The following RTN2 variants were observed in gnomAD, a reference collection of about 807,000 sequenced individuals.
The protein encoded by RTN2 is reticulon 2, also known as reticulon-2.
In RTN2, 36 loss-of-function variants were observed where a neutral mutation model predicts 63.7. That is an observed-to-expected ratio of 0.56 (90% CI 0.43 to 0.75). RTN2 has a LOEUF of 0.75. Ranked by LOEUF, RTN2 falls within the 30% of genes least tolerant of loss-of-function variation. The pLI, the probability that RTN2 is intolerant of heterozygous loss-of-function variation, is 0.00. For synonymous variants in RTN2, 312 were observed against 313.0 expected (o/e 1.00, Z 0.03); for missense variants, 673 against 705.1 (o/e 0.95, Z 0.52).
intron 9 of RTN2, among the ~76,000 whole-genome samples, chr19:45,487,308 G>T (rs989969685): frequency 6.6e-6 from 1 of 151,876 alleles, no homozygotes; most frequent in African/African-American, 2.4e-5. Context: ...ACCTCCCAAA[G>T]TGCCGGGATT....
At chr19:45,495,038 C>T (rs760598166) in intron 2 of RTN2, 33 bp from the exon 3 acceptor site, 1 of 1,614,172 alleles carries the variant, frequency 6.2e-7, no homozygotes, top group South Asian at 1.1e-5. Flanking sequence ...TTGTTTCCCT[C>T]AGCAGGTCCC....
chr19:45,494,648 T>G lies in RTN2; in HGVS notation c.437A>C (p.His146Pro), dbSNP rs550254965. 6.2e-7 allele frequency: 1 copy of G among 1,613,876 alleles called. No homozygotes were observed. Among genetic ancestry groups the G allele is most frequent in the Non-Finnish European group, 8.5e-7 (1 of 1,180,018 alleles). ...PLEDLRLRLD[H>P]LGWVARGTGS... ...CGTTCCCCGGGCCACCCAGCCCAGA[T>G]GGTCCAACCGAAGCCTCAGGTCTTC... The change falls in exon 3 of 11, where the codon CAT (histidine) becomes CCT (proline). Residue 146 changes from histidine (H) to proline (P), a missense_variant. Transcript: ENST00000245923. This position sits in a 1 kb window ranked among gnomAD's most constrained non-coding sequence, Gnocchi z 5.3.
intron 5 of RTN2, among the ~76,000 whole-genome samples, chr19:45,492,626 T>C (rs1968183296): frequency 6.6e-6 from 1 of 152,194 alleles, no homozygotes; most frequent in South Asian, 2.1e-4. Flanking sequence ...TTCCAGATCC[T>C]CTCTATCCTC....
At position 45,494,834 on chromosome 19, in the gene RTN2, C is replaced by T; in HGVS notation, c.251G>A (p.Arg84His). The T allele has an allele frequency of 1.2e-6, 2 of 1,603,536 alleles. No homozygotes were observed. The highest frequency in any genetic ancestry group is 2.2e-5 in the East Asian group (1 of 44,868). The change falls in exon 3 of 11, where the codon CGC becomes CAC. Residue 84 changes from arginine (R) to histidine (H), a missense_variant. Physicochemically the swap from Arg to His is conservative, Grantham distance 29 (BLOSUM62 0). Transcript: ENST00000245923. This position sits in a 1 kb window ranked among gnomAD's most constrained non-coding sequence, Gnocchi z 5.3. ...TGAGCGGCCCTGGGGGCGGGGGCGG[C>T]GGGCAGTTGAATCCCTGCGGCCCCC... ...GSGGRRDSTARRPRPQGRSVS... is the reference protein window; with the variant it reads ...GSGGRRDSTAHRPRPQGRSVS...
In RTN2 at chr19:45,493,156, C is replaced by T; in HGVS notation, c.1033+4G>A. The T allele has an allele frequency of 1.2e-6, 2 of 1,611,408 alleles. No individual in the cohort carries two copies. The highest frequency in any genetic ancestry group is 1.1e-5 in the South Asian group (1 of 90,972). Reference sequence around the variant, plus strand: ...CCCCCGTCCAGCCCGTTCCGCAAGCCCACCTTTACTCCCCATATCGGCTCC... The same window carrying T: ...CCCCCGTCCAGCCCGTTCCGCAAGCTCACCTTTACTCCCCATATCGGCTCC... On this transcript the variant is annotated splice_donor_region_variant and intron_variant, in intron 5 of 10. Transcript: ENST00000245923.
In RTN2 at chr19:45,488,501, G is replaced by A. The variant is rs376094051; in HGVS notation, c.1467C>T (p.Phe489=). The change falls in exon 9 of 11, where the codon TTC becomes TTT. Residue 489 remains phenylalanine (F), a synonymous_variant. Coordinates refer to ENST00000245923, the MANE Select transcript of RTN2 (RefSeq NM_005619.5). ...GCTGCCGGTACAGCAGGGGGATGGT[G>A]AATAGACCAATCACTCCTGTGGGTA... is the stretch of plus-strand genomic sequence containing the variant. ...TLLILGVIGL[F]TIPLLYRQHQ... The A allele has an allele frequency of 1.9e-6, 3 of 1,613,912 alleles. No homozygotes were observed. Among genetic ancestry groups the A allele is most frequent in the Non-Finnish European group, 2.5e-6 (3 of 1,179,974 alleles).
rs1301145875 is a variant in RTN2, at chr19:45,493,257, G to A, written c.936C>T (p.Pro312=). 2 of 1,613,736 alleles carry A rather than the reference G, an allele frequency of 1.2e-6. No individual in the cohort carries two copies. The highest frequency in any genetic ancestry group is 2.2e-5 in the South Asian group (2 of 91,074). ...GTAGAACCCGGAGGACAGGAGTAGG[G>A]GGGGTGGGGCCCCTTTGGACCCAGC... ...AIGWVQRGPT[P]PTPVLRVLLK... The change falls in exon 5 of 11, where the codon CCC becomes CCT. Residue 312 remains proline, a synonymous_variant. Transcript: ENST00000245923.
intron 5 of RTN2, among the ~76,000 whole-genome samples, chr19:45,490,199 A>G (rs1013679265): frequency 6.6e-6 from 1 of 151,744 alleles, no homozygotes; most frequent in East Asian, 1.9e-4. Flanking sequence ...ACGGGGTTTC[A>G]CCATGTTGGT....
chr19:45,486,325 G>A (rs1208886207), intron 9 of RTN2, among the ~76,000 whole-genome samples: 1 of 152,160 alleles, frequency 6.6e-6, no homozygotes, highest in Non-Finnish European at 1.5e-5. Flanking sequence ...TATGGAGAGT[G>A]ATGTCAGGTG....
At chr19:45,496,239 G>A (rs1319314415) in intron 1 of RTN2, among the ~76,000 whole-genome samples, 2 of 152,150 alleles carry the variant, frequency 1.3e-5, no homozygotes, top group African/African-American at 4.8e-5. Flanking sequence ...GAATGGTGTG[G>A]GTCTTCCCCA....
chr19:45,491,244 G>A (rs1295407082), intron 5 of RTN2, among the ~76,000 whole-genome samples: 1 of 151,374 alleles, frequency 6.6e-6, no homozygotes, highest in African/African-American at 2.4e-5. Context: ...CACCCTGGCT[G>A]GAGTGCAGTG....
chr19:45,485,492 C>T lies in RTN2; in HGVS notation c.*216G>A. The T allele has an allele frequency of 1.8e-6, 1 of 569,690 alleles. No individual in the cohort carries two copies. The highest frequency in any genetic ancestry group is 1.9e-5 in the African/African-American group (1 of 53,434). The allele number at this position is 569,690 out of a possible 1,614,324, so 35.3% of individuals were successfully genotyped here. ...CCAGCAGGCCCCGCGGCCAAGGTGC[C>T]TCGTCTTTCCTGGACTCCTGGAGCA... On this transcript the variant is annotated 3_prime_UTR_variant, in exon 11 of 11. Transcript: ENST00000245923.
intron 5 of RTN2, among the ~76,000 whole-genome samples, chr19:45,490,573 T>G (rs1968135915): frequency 8.6e-6 from 1 of 116,458 alleles, no homozygotes; most frequent in Admixed American, 9.6e-5. Context: ...GTGTGTGTTT[T>G]GTTTTTGTTT....
chr19:45,494,200 G>A lies in RTN2; in HGVS notation c.780C>T (p.Asp260=). ...GTGGCTCCACCGTGAATTCTAATTG[G>A]TCCGTGCTATCGAGGCACTGTCCCC... is the stretch of plus-strand genomic sequence containing the variant. ...PVRGQCLDST[D]QLEFTVEPRL... is the part of the protein sequence containing the mutation. The change falls in exon 4 of 11, where the codon GAC becomes GAT. Residue 260 remains aspartate (D), a synonymous_variant. Coordinates refer to ENST00000245923, the MANE Select transcript of RTN2 (RefSeq NM_005619.5). This position sits in a 1 kb window ranked among gnomAD's most constrained non-coding sequence, Gnocchi z 5.3. The A allele has an allele frequency of 1.2e-6, 2 of 1,606,432 alleles. No homozygotes were observed. Among genetic ancestry groups the A allele is most frequent in the Non-Finnish European group, 1.7e-6 (2 of 1,179,942 alleles).
At chr19:45,487,583 GTT>G (rs4031036) in intron 9 of RTN2, among the ~76,000 whole-genome samples, 18,060 of 104,402 alleles carry the variant, frequency 0.17, 825 homozygotes, top group East Asian at 0.24. Context: ...TTATTTTTTG[GTT>G]TTTTTTTTTT....
At chr19:45,493,119 C>CGCCGACCTCAGCCCCCGTCCA in intron 5 of RTN2, 41 bp downstream of exon 5, 3 of 1,581,032 alleles carry the variant, frequency 1.9e-6, no homozygotes, top group Non-Finnish European at 2.6e-6. Flanking sequence ...GACCCCGTTC[C>CGCCGACCTCAGCCCCCGTCCA]GCCGACCTCA....
intron 9 of RTN2, among the ~76,000 whole-genome samples, chr19:45,487,215 T>TA (rs1161919227): frequency 6.6e-6 from 1 of 151,862 alleles, no homozygotes; most frequent in Non-Finnish European, 1.5e-5. Flanking sequence ...GGCTAGTTTT[T>TA]AACCTTTTTG....
intron 6 of RTN2, 119 bp downstream of exon 6, chr19:45,489,227 G>C: frequency 1.0e-6 from 1 of 1,002,032 alleles, no homozygotes. Context: ...TTAGGGGATC[G>C]GGATGAAAAA....
At position 45,495,158 on chromosome 19, in the gene RTN2, C is replaced by A; in HGVS notation, c.35-19G>T. ...GCTTCTTCTGCGAGAGGGAAAGAAT[C>A]GAAGACTCTTAGAAGCTTAGACTGT... On this transcript the variant is annotated intron_variant, in intron 1 of 10. Transcript: ENST00000245923. 6.2e-7 allele frequency: 1 copy of A among 1,613,660 alleles called. No homozygotes were observed. Among genetic ancestry groups the A allele is most frequent in the African/African-American group, 1.3e-5 (1 of 75,006 alleles).
Sources: gnomAD v4.1 joint callset for allele counts (sites outside exome capture counted in the v4.1 genomes callset) on GRCh38, gnomAD v4.1.1 for gene constraint, Gnocchi (gnomAD v3.1) non-coding constraint, MANE v1.5 for transcripts, NCBI Gene and HGNC (gene_info 2026-07-23, HGNC 2026-07-21) for gene names.